Variants in SCPPPQ1 observed in about 807,000 individuals in gnomAD.
The protein encoded by SCPPPQ1 is secretory calcium-binding phosphoprotein proline- and glutamine-rich 1.
the SCPPPQ1 span, among the ~76,000 whole-genome samples, chr4:87,470,602 AT>A: frequency 6.6e-6 from 1 of 152,240 alleles, no homozygotes; most frequent in Non-Finnish European, 1.5e-5. Context: ...TGTTTTAAAA[AT>A]CGCACTTAAT....
the SCPPPQ1 span, among the ~76,000 whole-genome samples, chr4:87,470,983 C>T: frequency 3.7e-3 from 556 of 152,170 alleles, 3 homozygotes; most frequent in African/African-American, 0.013. Context: ...GCATTAGAAT[C>T]AGTCCAAATT....
At chr4:87,465,556 CT>C in the SCPPPQ1 span, among the ~76,000 whole-genome samples, 19 of 27,560 alleles carry the variant, frequency 6.9e-4, no homozygotes, top group East Asian at 0.016. Flanking sequence ...GAATAGAAAT[CT>C]ACAAAAAAAA....
chr4:87,470,826 A>T, the SCPPPQ1 span, among the ~76,000 whole-genome samples: 1 of 151,986 alleles, frequency 6.6e-6, no homozygotes, highest in African/African-American at 2.4e-5. Context: ...TAGGCAACTT[A>T]TTTCCCTTTT....
the SCPPPQ1 span, among the ~76,000 whole-genome samples, chr4:87,461,702 A>G: frequency 1.3e-5 from 2 of 152,178 alleles, no homozygotes; most frequent in African/African-American, 4.8e-5. Context: ...GAGCACTTCG[A>G]GAGGCTATTC....
chr4:87,470,591 A>G, the SCPPPQ1 span, among the ~76,000 whole-genome samples: 1 of 152,214 alleles, frequency 6.6e-6, no homozygotes, highest in Non-Finnish European at 1.5e-5. Context: ...AGACATTTTT[A>G]TGTTTTAAAA....
chr4:87,461,614 T>C, the SCPPPQ1 span, among the ~76,000 whole-genome samples: 5 of 152,200 alleles, frequency 3.3e-5, no homozygotes, highest in South Asian at 4.1e-4. Flanking sequence ...CAAACTCAAA[T>C]AGAAGGATAT....
chr4:87,470,457 G>A, the SCPPPQ1 span, among the ~76,000 whole-genome samples: 1 of 152,196 alleles, frequency 6.6e-6, no homozygotes, highest in African/African-American at 2.4e-5. Context: ...TCTCGGGAAG[G>A]AAATTGTATG....
the SCPPPQ1 span, among the ~76,000 whole-genome samples, chr4:87,469,160 T>TG: frequency 6.6e-6 from 1 of 152,150 alleles, no homozygotes; most frequent in Admixed American, 6.5e-5. Flanking sequence ...ATGAGATGGT[T>TG]TGGGGCAAGG....
the SCPPPQ1 span, among the ~76,000 whole-genome samples, chr4:87,469,947 CTTT>C: frequency 9.6e-5 from 11 of 114,968 alleles, no homozygotes; most frequent in Admixed American, 8.5e-4. Flanking sequence ...ACACACAAAT[CTTT>C]TTTTTTTTTT....
At chr4:87,460,864 A>T in the SCPPPQ1 span, 1 of 152,652 alleles carries the variant, frequency 6.6e-6, no homozygotes, top group African/African-American at 2.4e-5. Context: ...TACATTCTTT[A>T]TGGTTTTTTG....
chr4:87,464,368 C>A, the SCPPPQ1 span, among the ~76,000 whole-genome samples: 806 of 151,744 alleles, frequency 5.3e-3, 5 homozygotes, highest in Non-Finnish European at 7.3e-3. Flanking sequence ...TTAAGTACCC[C>A]CCCCCAACCC....
the SCPPPQ1 span, among the ~76,000 whole-genome samples, chr4:87,463,070 A>C: frequency 2.1e-4 from 32 of 152,180 alleles, no homozygotes; most frequent in African/African-American, 7.7e-4. Context: ...CTGTAAATTT[A>C]AATTTTGTGA....
the SCPPPQ1 span, among the ~76,000 whole-genome samples, chr4:87,465,557 TA>T: frequency 8.6e-5 from 1 of 11,640 alleles, no homozygotes; most frequent in African/African-American, 4.6e-4. Flanking sequence ...AATAGAAATC[TA>T]CAAAAAAAAA....
the SCPPPQ1 span, among the ~76,000 whole-genome samples, chr4:87,466,853 C>G: frequency 6.6e-6 from 1 of 151,918 alleles, no homozygotes; most frequent in South Asian, 2.1e-4. Context: ...TAGTGAGGTC[C>G]TTGTCTGTAA....
the SCPPPQ1 span, among the ~76,000 whole-genome samples, chr4:87,466,837 G>A: frequency 6.6e-6 from 1 of 152,110 alleles, no homozygotes; most frequent in African/African-American, 2.4e-5. Flanking sequence ...ACTAGCCTGG[G>A]TGACATAGTG....
the SCPPPQ1 span, among the ~76,000 whole-genome samples, chr4:87,468,868 G>A: frequency 2.0e-5 from 3 of 152,022 alleles, no homozygotes; most frequent in African/African-American, 7.2e-5. Context: ...TGCCAGCTTT[G>A]GCAAAAAGGA....
At chr4:87,468,335 TTAGTTCTCAG>T in the SCPPPQ1 span, among the ~76,000 whole-genome samples, 3 of 152,218 alleles carry the variant, frequency 2.0e-5, no homozygotes, top group South Asian at 2.1e-4. Context: ...TGTTCTTGAT[TTAGTTCTCAG>T]TAGTTATAAA....
chr4:87,467,909 A>T, the SCPPPQ1 span, among the ~76,000 whole-genome samples: 172 of 152,316 alleles, frequency 1.1e-3, no homozygotes, highest in Non-Finnish European at 2.0e-3. Flanking sequence ...ACATGATGTC[A>T]GTCATTTCAG....
chr4:87,465,559 C>CAAAAA, the SCPPPQ1 span, among the ~76,000 whole-genome samples: 121 of 98,264 alleles, frequency 1.2e-3, 1 homozygote, highest in African/African-American at 2.1e-3. Flanking sequence ...TAGAAATCTA[C>CAAAAA]AAAAAAAAAA....
Sources: allele counts gnomAD v4.1 joint callset (sites outside exome capture counted in the v4.1 genomes callset), GRCh38; gene constraint gnomAD v4.1.1; transcripts MANE v1.5; gene names NCBI Gene and HGNC (gene_info 2026-07-23, HGNC 2026-07-21).